Variants in CNTNAP5 observed in about 807,000 individuals in gnomAD.
The protein encoded by CNTNAP5 is contactin associated protein family member 5, also known as contactin-associated protein-like 5.
In CNTNAP5, 72 loss-of-function variants were observed where a neutral mutation model predicts 150.2. The observed-to-expected ratio is 0.48, with a 90% CI of 0.40 to 0.58. The LOEUF is 0.58. CNTNAP5 is among the 20% of genes least tolerant of loss of function. The probability of loss-of-function intolerance (pLI) is 0.00; values close to 1 mark genes in which losing one functional copy is unlikely to be tolerated. For missense variants in CNTNAP5, 1,636 were observed against 1,626.2 expected (o/e 1.01, Z -0.10); for synonymous variants, 672 against 619.8 (o/e 1.08, Z -1.25).
At chr2:124,907,647 G>A (rs1489649346) in intron 22 of CNTNAP5, among the ~76,000 whole-genome samples, 2 of 150,312 alleles carry the variant, frequency 1.3e-5, no homozygotes, top group Non-Finnish European at 3.0e-5. Flanking sequence ...CATTTAAGCT[G>A]AGTCATTCTT....
chr2:124,869,605 G>A, intron 20 of CNTNAP5, 70 bp from the exon 21 acceptor site: 1 of 985,510 alleles, frequency 1.0e-6, no homozygotes, highest in Non-Finnish European at 1.6e-6. Flanking sequence ...GCTATTTCCA[G>A]ATGGGATCGT....
chr2:124,331,857 A>G (rs1382961588), intron 3 of CNTNAP5, among the ~76,000 whole-genome samples: 1 of 152,040 alleles, frequency 6.6e-6, no homozygotes, highest in Non-Finnish European at 1.5e-5. Flanking sequence ...CAAAAGATTA[A>G]CAATTTTTTT....
intron 7 of CNTNAP5, among the ~76,000 whole-genome samples, chr2:124,488,423 T>C (rs1693942083): frequency 6.6e-6 from 1 of 152,190 alleles, no homozygotes; most frequent in Non-Finnish European, 1.5e-5. Flanking sequence ...AACATTAAAG[T>C]AACTTCCCCA....
At chr2:124,399,670 CCA>C (rs985549300) in intron 3 of CNTNAP5, among the ~76,000 whole-genome samples, 2 of 152,010 alleles carry the variant, frequency 1.3e-5, no homozygotes, top group African/African-American at 4.8e-5. Context: ...AAACTAGAGC[CCA>C]CAGTCTGTGA....
chr2:124,363,961 C>T (rs184932684), intron 3 of CNTNAP5, among the ~76,000 whole-genome samples: 3 of 152,284 alleles, frequency 2.0e-5, no homozygotes, highest in Admixed American at 6.5e-5. Context: ...CAATGTCCTG[C>T]TTCTACCACG....
At chr2:124,362,425 C>T (rs1690238511) in intron 3 of CNTNAP5, among the ~76,000 whole-genome samples, 1 of 152,210 alleles carries the variant, frequency 6.6e-6, no homozygotes, top group African/African-American at 2.4e-5. Flanking sequence ...TTTCAGAATC[C>T]TATCTCACTG....
intron 16 of CNTNAP5, among the ~76,000 whole-genome samples, chr2:124,770,892 T>G (rs1452160567): frequency 6.6e-6 from 1 of 152,184 alleles, no homozygotes; most frequent in African/African-American, 2.4e-5. Context: ...AAGTATTGTT[T>G]TTATTCCCAT....
chr2:124,223,085 A>C (rs1355153488), intron 2 of CNTNAP5, among the ~76,000 whole-genome samples: 1 of 152,104 alleles, frequency 6.6e-6, no homozygotes, highest in African/African-American at 2.4e-5. Flanking sequence ...AGTCCTCACA[A>C]AGTTGTTGCA....
intron 21 of CNTNAP5, among the ~76,000 whole-genome samples, chr2:124,896,417 A>G (rs1440103401): frequency 6.6e-6 from 1 of 151,562 alleles, no homozygotes; most frequent in East Asian, 1.9e-4. Context: ...GTTCTGGTTG[A>G]TGTGAATGAA....
intron 13 of CNTNAP5, among the ~76,000 whole-genome samples, chr2:124,658,598 C>T (rs886655310): frequency 5.9e-5 from 9 of 152,068 alleles, no homozygotes; most frequent in Non-Finnish European, 1.5e-5. Context: ...CACCTACTCT[C>T]CTCAGAACAT....
intron 3 of CNTNAP5, among the ~76,000 whole-genome samples, chr2:124,310,046 G>C (rs910489590): frequency 6.7e-6 from 1 of 148,312 alleles, no homozygotes; most frequent in African/African-American, 2.5e-5. Context: ...CACGAGGCCT[G>C]AATCTCTTAC....
chr2:124,600,608 C>T (rs1696963432), intron 11 of CNTNAP5, among the ~76,000 whole-genome samples: 1 of 152,094 alleles, frequency 6.6e-6, no homozygotes, highest in South Asian at 2.1e-4. Flanking sequence ...GAAAGGAATT[C>T]TGGTAAATGT....
rs988704142 is a variant in CNTNAP5, at chr2:124,914,597, T to A, written c.*309T>A. The A allele has an allele frequency of 4.3e-6, 1 of 231,060 alleles. No homozygotes were observed. Among genetic ancestry groups the A allele is most frequent in the Non-Finnish European group, 8.5e-6 (1 of 117,304 alleles). The allele number at this position is 231,060 out of a possible 1,614,324, so 14.3% of individuals were successfully genotyped here. A position where few individuals can be genotyped will look rare whatever the true frequency, so the allele number is the denominator to read the frequency against. ...TGCATGTTCAGTTCTGTACTTCCAGTTTCTAAAATGCACTGTTCAGTTTTC... is the reference window on the plus strand; with the variant it reads ...TGCATGTTCAGTTCTGTACTTCCAGATTCTAAAATGCACTGTTCAGTTTTC... On this transcript the variant is annotated 3_prime_UTR_variant, in exon 24 of 24. Transcript: ENST00000682447.
At chr2:124,473,389 A>G (rs1693564110) in intron 6 of CNTNAP5, among the ~76,000 whole-genome samples, 1 of 152,046 alleles carries the variant, frequency 6.6e-6, no homozygotes, top group Non-Finnish European at 1.5e-5. Flanking sequence ...AAACTTTAAA[A>G]TGAAATAGAT....
intron 13 of CNTNAP5, among the ~76,000 whole-genome samples, chr2:124,696,375 C>A (rs1312801888): frequency 1.3e-5 from 2 of 152,134 alleles, no homozygotes; most frequent in African/African-American, 4.8e-5. Context: ...GGCTTGTGAT[C>A]TTTTCTATCC....
chr2:124,518,721 T>C (rs1292149249), intron 8 of CNTNAP5, among the ~76,000 whole-genome samples: 1 of 152,108 alleles, frequency 6.6e-6, no homozygotes, highest in Non-Finnish European at 1.5e-5. Context: ...GTGTGGTAGC[T>C]CATGCCTGTA....
intron 1 of CNTNAP5, among the ~76,000 whole-genome samples, chr2:124,195,881 C>T (rs1685569686): frequency 6.6e-6 from 1 of 152,024 alleles, no homozygotes; most frequent in Non-Finnish European, 1.5e-5. Context: ...ATAATTTGCT[C>T]CTAGTTTTTT....
intron 1 of CNTNAP5, among the ~76,000 whole-genome samples, chr2:124,169,924 C>A (rs1294681336): frequency 1.3e-5 from 2 of 152,182 alleles, no homozygotes; most frequent in Non-Finnish European, 2.9e-5. Context: ...CCTTCCACCA[C>A]CCCACATAGA....
chr2:124,396,966 C>T (rs151019581), intron 3 of CNTNAP5, among the ~76,000 whole-genome samples: 1 of 152,198 alleles, frequency 6.6e-6, no homozygotes, highest in Non-Finnish European at 1.5e-5. Context: ...GCAGACAGGG[C>T]TACTGACCAG....
Sources: allele counts gnomAD v4.1 joint callset (sites outside exome capture counted in the v4.1 genomes callset), GRCh38; gene constraint gnomAD v4.1.1; transcripts MANE v1.5; gene names NCBI Gene and HGNC (gene_info 2026-07-23, HGNC 2026-07-21).